CMKLR2: variants seen among roughly 807,000 people sequenced by gnomAD.
CMKLR2 encodes the protein chemerin chemokine-like receptor 2.
A neutral mutation model predicts 23.0 loss-of-function variants in CMKLR2; 18 were observed. That is an observed-to-expected ratio of 0.78 (90% CI 0.54 to 1.16). The LOEUF is 1.16. Among genes scored for constraint, CMKLR2 ranks in the 50% most tolerant of loss-of-function variants. The pLI is 0.00. For missense variants in CMKLR2, 401 were observed against 412.7 expected (o/e 0.97, Z 0.25); for synonymous variants, 158 against 158.9 (o/e 0.99, Z 0.05).
intron 1 of CMKLR2, among the ~76,000 whole-genome samples, chr2:206,211,387 C>T (rs759750012): frequency 4.6e-5 from 7 of 152,114 alleles, no homozygotes; most frequent in Non-Finnish European, 7.4e-5. Context: ...TGCAGTGGCA[C>T]GATCTTAGCT....
At chr2:206,177,861 A>G (rs1240513207) in intron 1 of CMKLR2, among the ~76,000 whole-genome samples, 1 of 152,176 alleles carries the variant, frequency 6.6e-6, no homozygotes, top group Admixed American at 6.6e-5. Flanking sequence ...TTCAGTTCGT[A>G]ATGCTTGTAG....
At chr2:206,204,402 T>G (rs1689234370) in intron 1 of CMKLR2, among the ~76,000 whole-genome samples, 4 of 151,682 alleles carry the variant, frequency 2.6e-5, no homozygotes, top group Admixed American at 2.6e-4. Flanking sequence ...TGACTTTACT[T>G]GATTCTTTCA....
intron 1 of CMKLR2, among the ~76,000 whole-genome samples, chr2:206,186,312 C>T (rs1688578607): frequency 6.6e-6 from 1 of 152,024 alleles, no homozygotes. Flanking sequence ...GAGGTTTCAC[C>T]GTGTTAGCCA....
chr2:206,190,987 G>A (rs906701389), intron 1 of CMKLR2, among the ~76,000 whole-genome samples: 1 of 152,064 alleles, frequency 6.6e-6, no homozygotes, highest in African/African-American at 2.4e-5. Flanking sequence ...TGATTGCTGG[G>A]GGTGAATGAT....
chr2:206,176,058 A>G lies in CMKLR2; in HGVS notation c.*122T>C. ...ACAAAAATGTGATGCCTATATAGTG[A>G]CCAGAAACAATAACTATGAAAGTGG... On this transcript the variant is annotated 3_prime_UTR_variant, in exon 2 of 2. Transcript: ENST00000621141. The G allele has an allele frequency of 1.4e-6, 1 of 701,440 alleles. No homozygotes were observed. The highest frequency in any genetic ancestry group is 3.0e-5 in the Admixed American group (1 of 33,126). The allele number at this position is 701,440 out of a possible 1,614,324, so 43.5% of individuals were successfully genotyped here.
intron 1 of CMKLR2, among the ~76,000 whole-genome samples, chr2:206,177,864 G>A (rs1314786581): frequency 6.6e-6 from 1 of 152,132 alleles, no homozygotes; most frequent in African/African-American, 2.4e-5. Context: ...AGTTCGTAAT[G>A]CTTGTAGGGC....
At chr2:206,204,602 A>C (rs1689244285) in intron 1 of CMKLR2, among the ~76,000 whole-genome samples, 1 of 151,794 alleles carries the variant, frequency 6.6e-6, no homozygotes, top group African/African-American at 2.4e-5. Context: ...TCTGTCGCCC[A>C]GGCCAGAGTG....
At chr2:206,196,179 A>G (rs1688914171) in intron 1 of CMKLR2, among the ~76,000 whole-genome samples, 1 of 152,098 alleles carries the variant, frequency 6.6e-6, no homozygotes, top group Non-Finnish European at 1.5e-5. Flanking sequence ...GTTTGAGACC[A>G]GCCTGGCAAA....
At chr2:206,216,634 G>A (rs1689763079), upstream of CMKLR2, among the ~76,000 whole-genome samples, 1 of 152,118 alleles carries the variant, frequency 6.6e-6, no homozygotes, top group African/African-American at 2.4e-5. Context: ...AGGGCCAACT[G>A]GGCTCAGAGA....
intron 1 of CMKLR2, among the ~76,000 whole-genome samples, chr2:206,183,653 A>G (rs771667125): frequency 5.3e-5 from 8 of 152,184 alleles, no homozygotes; most frequent in Non-Finnish European, 1.2e-4. Flanking sequence ...TTTATGGGAA[A>G]TAGGAGCTTA....
chr2:206,214,925 G>A (rs1052491156), upstream of CMKLR2, among the ~76,000 whole-genome samples: 1 of 151,812 alleles, frequency 6.6e-6, no homozygotes, highest in Non-Finnish European at 1.5e-5. Flanking sequence ...ACACCTGGCC[G>A]CTATCTTTAT....
intron 1 of CMKLR2, among the ~76,000 whole-genome samples, chr2:206,186,432 A>G (rs902153673): frequency 6.6e-6 from 1 of 152,160 alleles, no homozygotes; most frequent in Non-Finnish European, 1.5e-5. Context: ...TTGTTAAAGC[A>G]GCTGAACATG....
intron 1 of CMKLR2, chr2:206,203,546 C>CT (rs1259934613): frequency 2.6e-5 from 4 of 152,210 alleles, no homozygotes; most frequent in African/African-American, 9.7e-5. Context: ...GGTGAACACA[C>CT]GGAGGTCCTG....
chr2:206,192,065 G>A (rs941565199), intron 1 of CMKLR2, among the ~76,000 whole-genome samples: 5 of 151,068 alleles, frequency 3.3e-5, no homozygotes, highest in Admixed American at 1.3e-4. Context: ...GGCTGGTCTT[G>A]AACTTCTGAC....
At chr2:206,201,350 T>G (rs917437951) in intron 1 of CMKLR2, among the ~76,000 whole-genome samples, 3 of 152,198 alleles carry the variant, frequency 2.0e-5, no homozygotes, top group Admixed American at 6.5e-5. Context: ...AGGCAGAAAT[T>G]GCAGGCCCTG....
intron 1 of CMKLR2, among the ~76,000 whole-genome samples, chr2:206,178,780 T>C (rs933952133): frequency 4.6e-5 from 7 of 151,874 alleles, no homozygotes; most frequent in African/African-American, 1.5e-4. Context: ...TCCTGAGTAG[T>C]TGGGATTACA....
At chr2:206,179,081 T>G (rs1350071943) in intron 1 of CMKLR2, among the ~76,000 whole-genome samples, 3,597 of 123,674 alleles carry the variant, frequency 0.029, 449 homozygotes, top group African/African-American at 0.1. Flanking sequence ...TTTTTTTTTT[T>G]TTTTTTTTTT....
chr2:206,197,702 T>A (rs1392646616), intron 1 of CMKLR2, among the ~76,000 whole-genome samples: 2 of 152,006 alleles, frequency 1.3e-5, no homozygotes, highest in Non-Finnish European at 2.9e-5. Flanking sequence ...AATTATAAAA[T>A]TTTTTTTGTA....
At chr2:206,181,224 T>C (rs1407892446) in intron 1 of CMKLR2, among the ~76,000 whole-genome samples, 1 of 152,014 alleles carries the variant, frequency 6.6e-6, no homozygotes, top group African/African-American at 2.4e-5. Context: ...TGCTGGCTAA[T>C]TTTTGTATTT....
Sources: allele counts gnomAD v4.1 joint callset (sites outside exome capture counted in the v4.1 genomes callset), GRCh38; gene constraint gnomAD v4.1.1; transcripts MANE v1.5; gene names NCBI Gene and HGNC (gene_info 2026-07-23, HGNC 2026-07-21).